The following MCM7 variants were observed in gnomAD, a reference collection of about 807,000 sequenced individuals.
The protein encoded by MCM7 is DNA replication licensing factor MCM7.
In MCM7, 95 loss-of-function variants were observed where a neutral mutation model predicts 83.5. The ratio of observed to expected loss-of-function variants is 1.14; its 90% CI spans 0.96 to 1.35. The LOEUF (loss-of-function observed/expected upper bound fraction) is 1.35, where lower values mean the gene tolerates loss of function less well. Among genes scored for constraint, MCM7 ranks in the 40% most tolerant of loss-of-function variants. The pLI is 0.00. For synonymous variants in MCM7, 461 were observed against 352.7 expected (o/e 1.31, Z -3.44); for missense variants, 1,087 against 957.4 (o/e 1.14, Z -1.79).
At chr7:100,095,614 C>T in intron 11 of MCM7, 144 bp from the exon 12 acceptor site, 1 of 1,309,176 alleles carries the variant, frequency 7.6e-7, no homozygotes, top group South Asian at 1.4e-5. Flanking sequence ...GCATTTCAGC[C>T]CCAACCCACC....
chr7:100,092,939 A>G lies in MCM7; in HGVS notation c.2153T>C (p.Phe718Ser), dbSNP rs913351380. The G allele has an allele frequency of 1.9e-6, 3 of 1,614,124 alleles. No individual in the cohort carries two copies. Among genetic ancestry groups the G allele is most frequent in the Admixed American group, 1.7e-5 (1 of 60,008 alleles). Residue 718 changes from phenylalanine to serine, a missense_variant, in exon 15 of 15, where the codon TTT (phenylalanine) becomes TCT (serine). Transcript: ENST00000303887. ...QVNASRTRIT[F>S]V ...GTTGCAAGCAGGCTGGAATCAGACA[A>G]AAGTGATCCGTGTCCGGGAAGCATT...
Position 100,101,347 on chromosome 7 carries a change from G to A in MCM7, c.-53C>T, listed in dbSNP as rs1217329143. The stretch of plus-strand genomic sequence containing the variant: ...TGGCGGGCTCAGAGGTCTTGCTCCT[G>A]GGGAAGCTGAGAATCTCCGCGCGGT... On this transcript the variant is annotated 5_prime_UTR_variant, in exon 1 of 15. Transcript: ENST00000303887. 8.7e-6 allele frequency: 14 copies of A among 1,610,254 alleles called. No homozygotes were observed. Among genetic ancestry groups the A allele is most frequent in the African/African-American group, 2.7e-5 (2 of 74,916 alleles).
chr7:100,101,194 G>A, intron 1 of MCM7, 70 bp downstream of exon 1: 9 of 1,590,768 alleles, frequency 5.7e-6, no homozygotes, highest in Non-Finnish European at 7.7e-6. Flanking sequence ...CAAGACCCCA[G>A]CTCACACCAA....
intron 2 of MCM7, 31 bp from the exon 3 acceptor site, chr7:100,099,784 G>C (rs1405496392): frequency 1.2e-6 from 2 of 1,611,058 alleles, no homozygotes; most frequent in Non-Finnish European, 1.7e-6. Flanking sequence ...AAACACCTCA[G>C]AGCCACATTC....
At chr7:100,098,830 C>T (rs1350066191) in intron 5 of MCM7, 115 bp from the exon 6 acceptor site, 21 of 1,434,958 alleles carry the variant, frequency 1.5e-5, no homozygotes, top group South Asian at 2.5e-5. Context: ...TGTCAAGAAC[C>T]CTCTGAACTT....
chr7:100,093,613 T>G, intron 13 of MCM7: 2 of 763,508 alleles, frequency 2.6e-6, no homozygotes, highest in Non-Finnish European at 4.9e-6. Context: ...CGTCCAGCAA[T>G]TGCCCAAGTC....
intron 10 of MCM7, 25 bp downstream of exon 10, chr7:100,097,276 C>G (rs770874687): frequency 6.2e-7 from 1 of 1,606,636 alleles, no homozygotes; most frequent in Non-Finnish European, 8.5e-7. Flanking sequence ...ACTATATTCA[C>G]CTCCCGCAAA....
intron 13 of MCM7, 171 bp downstream of exon 13, chr7:100,094,002 G>A (rs1199111202): frequency 5.7e-6 from 5 of 872,220 alleles, no homozygotes; most frequent in East Asian, 2.4e-5. Context: ...CCCTGCTGGA[G>A]CAGCAAGTAC....
In MCM7 at chr7:100,097,374, G is replaced by C. The variant is rs766979708; in HGVS notation, c.1128C>G (p.Asn376Lys). The C allele has an allele frequency of 6.2e-6, 10 of 1,614,050 alleles. No individual in the cohort carries two copies. The highest frequency in any genetic ancestry group is 8.5e-6 in the Non-Finnish European group (10 of 1,180,012). ...CACCAGGATCCCCCATCAGACAGAT[G>C]TTGATGTTGCCTGGAGGAAGGGAAG... ...PRGMKIRGNINICLMGDPGVA... is the reference protein window; with the variant it reads ...PRGMKIRGNIKICLMGDPGVA... Residue 376 changes from asparagine to lysine, a missense_variant, in exon 10 of 15, where the codon AAC becomes AAG. Transcript: ENST00000303887.
chr7:100,100,085 T>C lies in MCM7; in HGVS notation c.40A>G (p.Lys14Glu), dbSNP rs1159882756. Reference protein sequence around the residue: ...KDYALEKEKVKKFLQEFYQDD... With the variant: ...KDYALEKEKVEKFLQEFYQDD... ...TGGTAGAACTCTTGTAAGAACTTCT[T>C]AACCTTTTCTGTAACATGAAATGTA... is the stretch of plus-strand genomic sequence containing the variant. The change falls in exon 2 of 15, where the codon AAG becomes GAG. Residue 14 changes from lysine (K) to glutamate (E), a missense_variant. Lys to Glu is a moderately conservative substitution (Grantham distance 56). Transcript: ENST00000303887. The C allele has an allele frequency of 1.9e-6, 3 of 1,614,030 alleles. No homozygotes were observed. Among genetic ancestry groups the C allele is most frequent in the Admixed American group, 1.7e-5 (1 of 59,988 alleles).
Position 100,101,245 on chromosome 7 carries a change from C to T in MCM7, c.31+19G>A, listed in dbSNP as rs1271260468. On this transcript the variant is annotated intron_variant, in intron 1 of 14. Transcript: ENST00000303887. ...AGGCTCCCCGCGCAGGACGCCCTCC[C>T]GGGCTCGTAGACCCGTACCCTTCTC... 1.9e-6 allele frequency: 3 copies of T among 1,612,996 alleles called. No homozygotes were observed. Among genetic ancestry groups the T allele is most frequent in the Non-Finnish European group, 2.5e-6 (3 of 1,179,838 alleles).
rs537566880 is a variant in MCM7, at chr7:100,099,797, T to G, written c.112-44A>C. 8.5e-5 allele frequency: 137 copies of G among 1,607,560 alleles called. No individual in the cohort carries two copies. In the Middle Eastern group the frequency reaches 9.9e-4, roughly 12 times the overall value. On this transcript the variant is annotated intron_variant, in intron 2 of 14. Coordinates refer to ENST00000303887, the MANE Select transcript of MCM7 (RefSeq NM_005916.5). ...AGAAACACCTCAGAGCCACATTCAC[T>G]TTGCTCACCAGTGTTCATATGTGAA...
At position 100,099,846 on chromosome 7, in the gene MCM7, C is replaced by T. The variant is rs1265995165; in HGVS notation, c.112-93G>A. 1.4e-4 allele frequency: 215 copies of T among 1,545,462 alleles called. No individual in the cohort carries two copies. The South Asian group carries it at 2.4e-3, about 17-fold the overall frequency. On this transcript the variant is annotated intron_variant, in intron 2 of 14. Coordinates refer to ENST00000303887, the MANE Select transcript of MCM7 (RefSeq NM_005916.5). ...AAAATGCATCACTGAGAACTCAGCA[C>T]AGGCTCTGGGCATCCACAGGGGAGA...
intron 13 of MCM7, 167 bp downstream of exon 13, chr7:100,094,006 C>G: frequency 1.1e-6 from 1 of 894,022 alleles, no homozygotes; most frequent in Admixed American, 1.8e-5. Flanking sequence ...GCTGGAGCAG[C>G]AAGTACCCAC....
chr7:100,099,749 C>A lies in MCM7; in HGVS notation c.116G>T (p.Arg39Leu), dbSNP rs1396825913. ...KQFKYGNQLV[R>L]LAHREQVALY... ...AGCCACCTGTTCCCGATGAGCCAGC[C>A]GAACCTCAAGTGGGGAAGAGACAGA... Residue 39 changes from arginine (R) to leucine (L), a missense_variant, in exon 3 of 15, where the codon CGG becomes CTG. Physicochemically the swap from Arg to Leu is moderately radical, Grantham distance 102. Transcript: ENST00000303887. The A allele has an allele frequency of 1.2e-6, 2 of 1,613,632 alleles. No individual in the cohort carries two copies. The highest frequency in any genetic ancestry group is 2.7e-5 in the African/African-American group (2 of 74,898).
chr7:100,093,700 G>C (rs918405291), intron 13 of MCM7: 19 of 680,836 alleles, frequency 2.8e-5, no homozygotes, highest in Admixed American at 2.3e-4. Flanking sequence ...ACGCCACTGG[G>C]CTCCCCAGCA....
chr7:100,095,726 C>A, intron 11 of MCM7, 48 bp downstream of exon 11: 1 of 1,529,996 alleles, frequency 6.5e-7, no homozygotes, highest in Non-Finnish European at 8.7e-7. Context: ...CTCCTCCCTA[C>A]ACAGATCATT....
rs1347341266 is a variant in MCM7, at chr7:100,096,041, C to T, written c.1328G>A (p.Cys443Tyr). The change falls in exon 11 of 15, where the codon TGC becomes TAC. Residue 443 changes from cysteine to tyrosine, a missense_variant. Coordinates refer to ENST00000303887, the MANE Select transcript of MCM7 (RefSeq NM_005916.5). Reference sequence around the variant, plus strand: ...AGCCATCTTGTCGAACTCATCAATGCAGCACACACCCTGGTCAGCCAGCAC... The same window carrying T: ...AGCCATCTTGTCGAACTCATCAATGTAGCACACACCCTGGTCAGCCAGCAC... ...ALVLADQGVC[C>Y]IDEFDKMAEA... The T allele has an allele frequency of 6.2e-7, 1 of 1,614,074 alleles. No homozygotes were observed.
At position 100,098,575 on chromosome 7, in the gene MCM7, C is replaced by G; in HGVS notation, c.720+3G>C. ...TGCCCAGGGCCACGTACCCCAAACT[C>G]ACATGTTCTTGCATCTTCATCTCCT... On this transcript the variant is annotated splice_donor_region_variant and intron_variant, in intron 6 of 14. Transcript: ENST00000303887. The G allele has an allele frequency of 6.2e-7, 1 of 1,614,202 alleles. No homozygotes were observed. The highest frequency in any genetic ancestry group is 8.5e-7 in the Non-Finnish European group (1 of 1,180,030).
Sources: allele counts gnomAD v4.1 joint callset, GRCh38; gene constraint gnomAD v4.1.1; transcripts MANE v1.5; gene names NCBI Gene and HGNC (gene_info 2026-07-23, HGNC 2026-07-21).